ANTXR1: variants seen among roughly 807,000 people sequenced by gnomAD.
The protein encoded by ANTXR1 is ANTXR cell adhesion molecule 1, also known as anthrax toxin receptor 1.
Under a neutral mutation model 78.1 loss-of-function variants are expected in ANTXR1, and 19 were observed. The ratio of observed to expected loss-of-function variants is 0.24; its 90% CI spans 0.17 to 0.36. The LOEUF is 0.36. ANTXR1 is among the 10% of genes least tolerant of loss of function. The probability of loss-of-function intolerance (pLI) is 1.00; values close to 1 mark genes in which losing one functional copy is unlikely to be tolerated. For synonymous variants in ANTXR1, 273 were observed against 260.5 expected, an observed-to-expected ratio of 1.05 and a Z score of -0.46; for missense variants, 518 against 718.6, an observed-to-expected ratio of 0.72 and a Z score of 3.19.
At chr2:69,044,052 G>A (rs78620763) in intron 2 of ANTXR1, among the ~76,000 whole-genome samples, 542 of 152,276 alleles carry the variant, frequency 3.6e-3, no homozygotes, top group African/African-American at 0.012. Context: ...AAACAAGTTC[G>A]TCCTCAGGTG....
At chr2:69,230,310 A>T (rs1675559354) in intron 17 of ANTXR1, among the ~76,000 whole-genome samples, 1 of 151,612 alleles carries the variant, frequency 6.6e-6, no homozygotes, top group African/African-American at 2.4e-5. Flanking sequence ...CATCTAGTAT[A>T]TTTTTGCCTT....
intron 17 of ANTXR1, among the ~76,000 whole-genome samples, chr2:69,213,515 CAT>C (rs1434215793): frequency 1.3e-5 from 2 of 152,232 alleles, no homozygotes; most frequent in Admixed American, 6.5e-5. Flanking sequence ...CAAAATGACA[CAT>C]GTTGTCAACA....
At chr2:69,241,762 G>A (rs1675899464) in intron 17 of ANTXR1, among the ~76,000 whole-genome samples, 1 of 152,082 alleles carries the variant, frequency 6.6e-6, no homozygotes, top group Non-Finnish European at 1.5e-5. Flanking sequence ...CCTCCAACTG[G>A]CCTTTCCACC....
intron 17 of ANTXR1, among the ~76,000 whole-genome samples, chr2:69,221,637 CTCAG>C (rs1675323485): frequency 6.7e-6 from 1 of 149,696 alleles, no homozygotes; most frequent in East Asian, 2.0e-4. Context: ...GAGAGAGACT[CTCAG>C]TGAGTCAATT....
At chr2:69,092,175 T>C (rs971235151) in intron 9 of ANTXR1, among the ~76,000 whole-genome samples, 4 of 152,172 alleles carry the variant, frequency 2.6e-5, no homozygotes, top group African/African-American at 9.7e-5. Context: ...TACAACCTGA[T>C]AAGGTAGGAA....
chr2:69,056,497 C>G (rs927880993), intron 3 of ANTXR1, among the ~76,000 whole-genome samples: 3 of 151,970 alleles, frequency 2.0e-5, no homozygotes, highest in Non-Finnish European at 4.4e-5. Context: ...ACACTCATTA[C>G]CCACCAACCA....
intron 1 of ANTXR1, among the ~76,000 whole-genome samples, chr2:69,035,122 G>T (rs1307277320): frequency 6.6e-6 from 1 of 152,070 alleles, no homozygotes; most frequent in Admixed American, 6.6e-5. Flanking sequence ...CTGAGTCATA[G>T]ACCCAGCAAA....
chr2:69,206,904 A>C (rs1253199026), intron 17 of ANTXR1, among the ~76,000 whole-genome samples: 1 of 152,220 alleles, frequency 6.6e-6, no homozygotes, highest in Non-Finnish European at 1.5e-5. Context: ...GGACCTTACA[A>C]GCAATTTGCA....
chr2:69,224,644 G>A (rs940186291), intron 17 of ANTXR1, among the ~76,000 whole-genome samples: 4 of 152,086 alleles, frequency 2.6e-5, no homozygotes, highest in Non-Finnish European at 1.5e-5. Flanking sequence ...AGGATTGGCA[G>A]ACACTCTGGC....
intron 17 of ANTXR1, among the ~76,000 whole-genome samples, chr2:69,217,673 G>GA (rs1222796401): frequency 6.6e-6 from 1 of 152,054 alleles, no homozygotes; most frequent in East Asian, 2.0e-4. Flanking sequence ...ATTATTAAAA[G>GA]AAAATACCCT....
intron 10 of ANTXR1, chr2:69,103,285 G>T (rs1671688049): frequency 3.4e-5 from 13 of 376,982 alleles, no homozygotes; most frequent in South Asian, 2.9e-4. Flanking sequence ...TCTACCGAGT[G>T]GCTCACTCTC....
At chr2:69,152,107 G>T (rs1257966670) in intron 12 of ANTXR1, 62 bp from the exon 13 acceptor site, 1 of 1,502,994 alleles carries the variant, frequency 6.7e-7, no homozygotes, top group Non-Finnish European at 9.2e-7. Flanking sequence ...ATGGGAGTTT[G>T]GGGAGGGAAG....
rs1476492733 is a variant in ANTXR1 at position 69,249,188 on chromosome 2, CTGTT to C, written c.*3708_*3711del. On this transcript the variant is annotated 3_prime_UTR_variant, in exon 18 of 18. Coordinates refer to ENST00000303714, the MANE Select transcript of ANTXR1 (RefSeq NM_032208.3). ...TAAATCAACTCTTTTTTCTGGTTGTCTGTTTGTTATAAAGTGCAACGTATTCAAG... is the reference window on the plus strand; with the variant it reads ...TAAATCAACTCTTTTTTCTGGTTGTCTGTTATAAAGTGCAACGTATTCAAG... 7.8e-6 allele frequency: 1 copy of C among 127,864 alleles called. No homozygotes were observed. The highest frequency in any genetic ancestry group is 3.0e-5 in the African/African-American group (1 of 33,476). The allele number at this position is 127,864 out of a possible 1,614,324, so 7.9% of individuals were successfully genotyped here. A position where few individuals can be genotyped will look rare whatever the true frequency, so the allele number is the denominator to read the frequency against.
chr2:69,178,789 G>A (rs1674199195), intron 14 of ANTXR1, among the ~76,000 whole-genome samples: 1 of 152,170 alleles, frequency 6.6e-6, no homozygotes, highest in South Asian at 2.1e-4. Flanking sequence ...AACCACACCA[G>A]AACTTCACCT....
chr2:69,021,504 G>A (rs901158708), intron 1 of ANTXR1, among the ~76,000 whole-genome samples: 3 of 152,178 alleles, frequency 2.0e-5, no homozygotes, highest in Non-Finnish European at 4.4e-5. Flanking sequence ...CAGGCTGGTG[G>A]AGATTCCTTC....
intron 17 of ANTXR1, among the ~76,000 whole-genome samples, chr2:69,204,437 G>T (rs752436707): frequency 2.0e-4 from 30 of 152,118 alleles, no homozygotes; most frequent in African/African-American, 6.8e-4. Flanking sequence ...CATTTTAGAG[G>T]CACCAAAGCT....
At chr2:69,054,384 A>G (rs780175680) in intron 3 of ANTXR1, among the ~76,000 whole-genome samples, 1 of 152,202 alleles carries the variant, frequency 6.6e-6, no homozygotes, top group Non-Finnish European at 1.5e-5. Flanking sequence ...GACATCTTTA[A>G]GAAAACAGTT....
intron 15 of ANTXR1, among the ~76,000 whole-genome samples, chr2:69,182,252 G>T (rs1475895299): frequency 6.6e-6 from 1 of 152,096 alleles, no homozygotes; most frequent in Non-Finnish European, 1.5e-5. Context: ...CTTTGCATGT[G>T]CTGTCCCCGC....
At chr2:69,192,546 C>T (rs867189011) in intron 16 of ANTXR1, among the ~76,000 whole-genome samples, 6 of 152,148 alleles carry the variant, frequency 3.9e-5, no homozygotes, top group Admixed American at 6.5e-5. Flanking sequence ...CTGAGCCCAC[C>T]GGATAGTCCA....
Sources: gnomAD v4.1 joint callset for allele counts (sites outside exome capture counted in the v4.1 genomes callset) on GRCh38, gnomAD v4.1.1 for gene constraint, MANE v1.5 for transcripts, NCBI Gene and HGNC (gene_info 2026-07-23, HGNC 2026-07-21) for gene names.